XPR1: variants seen among roughly 807,000 people sequenced by gnomAD.
XPR1 encodes xenotropic and polytropic retrovirus receptor 1.
In XPR1, 28 loss-of-function variants were observed where a neutral mutation model predicts 87.5. The ratio of observed to expected loss-of-function variants is 0.32; its 90% CI spans 0.24 to 0.44. The LOEUF (loss-of-function observed/expected upper bound fraction) is 0.44, where lower values mean the gene tolerates loss of function less well. XPR1 is among the 20% of genes least tolerant of loss of function. XPR1 has a pLI of 1.00. For synonymous variants in XPR1, 300 were observed against 306.1 expected (o/e 0.98, Z 0.21); for missense variants, 559 against 862.3 (o/e 0.65, Z 4.41).
intron 7 of XPR1, among the ~76,000 whole-genome samples, chr1:180,817,083 G>A (rs974984533): frequency 1.3e-4 from 20 of 150,856 alleles, no homozygotes; most frequent in Non-Finnish European, 2.5e-4. Context: ...TTTTTAAGAA[G>A]GTTTAAAAAG....
Position 180,728,039 on chromosome 1 carries a change from G to C in XPR1, c.121+45628G>C, listed in dbSNP as rs776352395. On this transcript the variant is annotated intron_variant, in intron 2 of 14. Transcript: ENST00000367590. The stretch of plus-strand genomic sequence containing the variant: ...GAATGCTTAACCATCTGGGAATGCA[G>C]CCCAGTAGGTTTCAGTCTCATTTTA... Among the ~76,000 whole-genome samples the C allele has an allele frequency of 4.6e-5, 7 of 152,272 alleles. 1 individual carries two copies. Among genetic ancestry groups the C allele is most frequent in the African/African-American group, 1.2e-4 (5 of 41,564 alleles).
At chr1:180,647,161 C>T (rs1016057889) in intron 1 of XPR1, among the ~76,000 whole-genome samples, 3 of 152,226 alleles carry the variant, frequency 2.0e-5, no homozygotes, top group African/African-American at 4.8e-5. Context: ...CTATAAGACT[C>T]TAATGGCACT....
At chr1:180,653,044 TG>T (rs1402035603) in intron 1 of XPR1, among the ~76,000 whole-genome samples, 1 of 152,190 alleles carries the variant, frequency 6.6e-6, no homozygotes, top group African/African-American at 2.4e-5. Context: ...CTTCACCACT[TG>T]GACCTCTGCT....
At position 180,762,042 on chromosome 1, in the gene XPR1, G is replaced by A. The variant is rs913878168; in HGVS notation, c.122-25711G>A. On this transcript the variant is annotated intron_variant, in intron 2 of 14. Coordinates refer to ENST00000367590, the MANE Select transcript of XPR1 (RefSeq NM_004736.4). Reference sequence around the variant, plus strand: ...AAGGACAAAAAACCAAACACCGCATGTTCTCACTCATAGGTGGGAATCGAA... The same window carrying A: ...AAGGACAAAAAACCAAACACCGCATATTCTCACTCATAGGTGGGAATCGAA... Among the ~76,000 whole-genome samples the A allele has an allele frequency of 9.5e-5, 14 of 147,946 alleles. No individual in the cohort carries two copies. The South Asian group carries it at 2.1e-3, about 22-fold the overall frequency.
chr1:180,810,489 G>A (rs1650167999), intron 6 of XPR1, among the ~76,000 whole-genome samples: 2 of 151,906 alleles, frequency 1.3e-5, no homozygotes, highest in Admixed American at 1.3e-4. Flanking sequence ...CTGAAGTGGG[G>A]AATCACTTGA....
At chr1:180,843,536 T>C (rs947689551) in intron 11 of XPR1, among the ~76,000 whole-genome samples, 1 of 152,192 alleles carries the variant, frequency 6.6e-6, no homozygotes, top group Non-Finnish European at 1.5e-5. Context: ...TTAATTTTAC[T>C]TTAATTCAAC....
At chr1:180,778,958 G>A (rs1333975880) in intron 2 of XPR1, among the ~76,000 whole-genome samples, 1 of 152,138 alleles carries the variant, frequency 6.6e-6, no homozygotes, top group African/African-American at 2.4e-5. Flanking sequence ...GCGTGAAAGG[G>A]CCTTTACCTG....
At chr1:180,662,905 A>G (rs113772165) in intron 1 of XPR1, among the ~76,000 whole-genome samples, 3 of 141,932 alleles carry the variant, frequency 2.1e-5, no homozygotes, top group Non-Finnish European at 4.6e-5. Context: ...CACTTCTGTT[A>G]TTAAGAGACT....
At chr1:180,652,680 C>G in intron 1 of XPR1, among the ~76,000 whole-genome samples, 1 of 152,110 alleles carries the variant, frequency 6.6e-6, no homozygotes, top group East Asian at 1.9e-4. Flanking sequence ...CTCCTTTGAT[C>G]AAGACAAACC....
chr1:180,722,376 G>A (rs1157957198), intron 2 of XPR1, among the ~76,000 whole-genome samples: 1 of 152,114 alleles, frequency 6.6e-6, no homozygotes, highest in Non-Finnish European at 1.5e-5. Context: ...TTACAGACAT[G>A]AGCCACCGCG....
At chr1:180,883,899 A>T in intron 14 of XPR1, 107 bp from the exon 15 acceptor site, 1 of 936,472 alleles carries the variant, frequency 1.1e-6, no homozygotes, top group Non-Finnish European at 1.7e-6. Context: ...GTCCCTGTTT[A>T]GGATGTATGT....
chr1:180,765,153 C>G (rs1039612738), intron 2 of XPR1, among the ~76,000 whole-genome samples: 2 of 152,126 alleles, frequency 1.3e-5, no homozygotes, highest in African/African-American at 4.8e-5. Context: ...CTTTAATCCT[C>G]GCAACAGTGC....
chr1:180,731,632 T>C (rs1658558958), intron 2 of XPR1, among the ~76,000 whole-genome samples: 2 of 152,200 alleles, frequency 1.3e-5, no homozygotes, highest in Admixed American at 1.3e-4. Context: ...ATTGGGCTGG[T>C]TTCAGAAGCA....
At chr1:180,864,757 A>C (rs1652332702) in intron 12 of XPR1, among the ~76,000 whole-genome samples, 1 of 152,194 alleles carries the variant, frequency 6.6e-6, no homozygotes, top group Non-Finnish European at 1.5e-5. Flanking sequence ...TATTTTAGTA[A>C]AGGATAAATA....
At chr1:180,694,718 A>G (rs78695037) in intron 2 of XPR1, among the ~76,000 whole-genome samples, 1,700 of 151,706 alleles carry the variant, frequency 0.011, 24 homozygotes, top group African/African-American at 0.039. Flanking sequence ...TCGAGCTTTA[A>G]CCATTATCAG....
At chr1:180,691,436 A>G (rs564812554) in intron 2 of XPR1, among the ~76,000 whole-genome samples, 15 of 152,284 alleles carry the variant, frequency 9.9e-5, no homozygotes, top group South Asian at 2.1e-4. Flanking sequence ...CTTACAATAC[A>G]TTCCTTTTGA....
chr1:180,690,159 A>T (rs998173427), intron 2 of XPR1, among the ~76,000 whole-genome samples: 3 of 152,234 alleles, frequency 2.0e-5, no homozygotes, highest in Admixed American at 2.0e-4. Context: ...CTGTCTAAAA[A>T]AAAAAAAAAA....
At position 180,888,228 on chromosome 1, in the gene XPR1, G is replaced by A. The variant is rs1653077060; in HGVS notation, c.*4162G>A. 2 of 151,894 alleles carry A rather than the reference G, an allele frequency of 1.3e-5. No homozygotes were observed. The highest frequency in any genetic ancestry group is 1.3e-4 in the Admixed American group (2 of 15,250). The allele number at this position is 151,894 out of a possible 1,614,324, so 9.4% of individuals were successfully genotyped here. On this transcript the variant is annotated 3_prime_UTR_variant, in exon 15 of 15. Transcript: ENST00000367590. The stretch of plus-strand genomic sequence containing the variant: ...TCCCAAATGCAGTTTTCTAAGCAGT[G>A]ACCACAAAAATTTCTTATTCTAAGG...
intron 2 of XPR1, among the ~76,000 whole-genome samples, chr1:180,772,640 C>T (rs2102067822): frequency 6.6e-6 from 1 of 152,284 alleles, no homozygotes; most frequent in East Asian, 1.9e-4. Context: ...AGGTCTTTCC[C>T]ATGCTCTTCT....
Sources: allele counts gnomAD v4.1 joint callset (sites outside exome capture counted in the v4.1 genomes callset), GRCh38; gene constraint gnomAD v4.1.1; transcripts MANE v1.5; gene names NCBI Gene and HGNC (gene_info 2026-07-23, HGNC 2026-07-21).